Variants in MROH2B observed in about 807,000 individuals in gnomAD.
MROH2B encodes maestro heat like repeat family member 2B.
A neutral mutation model predicts 208.6 loss-of-function variants in MROH2B; 177 were observed. The observed-to-expected ratio is 0.85, with a 90% confidence interval of 0.75 to 0.96. The LOEUF (loss-of-function observed/expected upper bound fraction) is 0.96, where lower values mean the gene tolerates loss of function less well. MROH2B is among the 40% of genes least tolerant of loss of function. The pLI, the probability that MROH2B is intolerant of heterozygous loss-of-function variation, is 0.00. For missense variants in MROH2B, 2,002 were observed against 1,878.7 expected (o/e 1.07, Z -1.21); for synonymous variants, 728 against 659.0 (o/e 1.10, Z -1.60).
At chr5:41,025,866 G>T (rs1459554093) in intron 24 of MROH2B, among the ~76,000 whole-genome samples, 1 of 152,208 alleles carries the variant, frequency 6.6e-6, no homozygotes, top group Non-Finnish European at 1.5e-5. Flanking sequence ...TCCCAGGGAT[G>T]CAAGGCTGGT....
intron 1 of MROH2B, among the ~76,000 whole-genome samples, chr5:41,069,974 T>C (rs547092925): frequency 2.0e-4 from 30 of 152,290 alleles, no homozygotes; most frequent in African/African-American, 6.0e-4. Flanking sequence ...CTGAATCAAA[T>C]GTGAAAGGGA....
At position 41,043,197 on chromosome 5, in the gene MROH2B, A is replaced by G. The variant is rs1743007908; in HGVS notation, c.1837-989T>C. 1.3e-5 allele frequency among the ~76,000 whole-genome samples: 2 copies of G among 152,200 alleles called. 1 individual carries two copies. Among genetic ancestry groups the G allele is most frequent in the Admixed American group, 1.3e-4 (2 of 15,286 alleles). The stretch of plus-strand genomic sequence containing the variant: ...AATGTGCATATCAATCTGGCTTGAA[A>G]TGAGAGGGGGGCATAAAGTTAAAAA... On this transcript the variant is annotated intron_variant, in intron 18 of 41. Coordinates refer to ENST00000399564, the MANE Select transcript of MROH2B (RefSeq NM_173489.5).
intron 11 of MROH2B, among the ~76,000 whole-genome samples, chr5:41,052,872 T>C (rs2150177192): frequency 6.6e-6 from 1 of 152,288 alleles, no homozygotes; most frequent in South Asian, 2.1e-4. Context: ...ATAATGAGCA[T>C]TTTCTTTGAG....
Position 41,042,074 on chromosome 5 carries a change from G to A in MROH2B, c.1953+18C>T. On this transcript the variant is annotated intron_variant, in intron 19 of 41. Coordinates refer to ENST00000399564, the MANE Select transcript of MROH2B (RefSeq NM_173489.5). ...GTTGTTATCATCATAAGAGGAAATTGAGAGCAAGGGGTCCCACCTGTCTTT... is the reference window on the plus strand; with the variant it reads ...GTTGTTATCATCATAAGAGGAAATTAAGAGCAAGGGGTCCCACCTGTCTTT... The A allele has an allele frequency of 7.0e-7, 1 of 1,431,550 alleles. No individual in the cohort carries two copies. The highest frequency in any genetic ancestry group is 9.7e-7 in the Non-Finnish European group (1 of 1,032,442). 88.7% of individuals were successfully genotyped at this position (1,431,550 alleles called of 1,614,324 possible). A position where few individuals can be genotyped will look rare whatever the true frequency, so the allele number is the denominator to read the frequency against.
rs1407999857 is a variant in MROH2B at position 41,058,140 on chromosome 5, G to T, written c.679C>A (p.Arg227Ser). 6.2e-7 allele frequency: 1 copy of T among 1,606,970 alleles called. No homozygotes were observed. Residue 227 changes from arginine (R) to serine (S), a missense_variant, in exon 7 of 42, where the codon CGT becomes AGT. Physicochemically the swap from Arg to Ser is moderately radical, Grantham distance 110. Transcript: ENST00000399564. ...VSLLLHREDFRGYALGQVPWL... is the reference protein window; with the variant it reads ...VSLLLHREDFSGYALGQVPWL... ...GGCACCTGGCCCAGGGCGTATCCAC[G>T]GAAGTCTTCCCGATGCAGCAGCAAG...
intron 18 of MROH2B, among the ~76,000 whole-genome samples, 173 bp downstream of exon 18, chr5:41,045,573 G>A (rs1326017086): frequency 6.6e-6 from 1 of 152,102 alleles, no homozygotes; most frequent in East Asian, 1.9e-4. Flanking sequence ...CTAAAAGTGA[G>A]GTGCAGAGAA....
rs762318724 is a variant in MROH2B, at chr5:41,004,888, C to T, written c.3897G>A (p.Gly1299=). 6.8e-6 allele frequency: 11 copies of T among 1,613,958 alleles called. No individual in the cohort carries two copies. The South Asian group carries it at 1.1e-4, about 16-fold the overall frequency. ...TCAAGATCAGCACATTTCGCAGATT[C>T]CCATGCTTCCAAAGGATTGGTTCCT... ...LMKEPILWKH[G]NLRNVLILMD... The change falls in exon 36 of 42, where the codon GGG becomes GGA. Residue 1299 remains glycine (G), a synonymous_variant. Transcript: ENST00000399564.
At chr5:41,035,508 A>G (rs1742726956) in intron 21 of MROH2B, among the ~76,000 whole-genome samples, 2 of 152,168 alleles carry the variant, frequency 1.3e-5, no homozygotes, top group African/African-American at 2.4e-5. Context: ...ACAGCAAAAG[A>G]AAATACCAAC....
chr5:41,019,380 G>C (rs1742070649), intron 24 of MROH2B, among the ~76,000 whole-genome samples: 1 of 152,138 alleles, frequency 6.6e-6, no homozygotes, highest in Admixed American at 6.5e-5. Flanking sequence ...GAGAATGATA[G>C]AGAGAGATAT....
At chr5:40,998,953 T>C (rs1010536986) in intron 40 of MROH2B, among the ~76,000 whole-genome samples, 2 of 152,184 alleles carry the variant, frequency 1.3e-5, no homozygotes, top group Non-Finnish European at 2.9e-5. Flanking sequence ...ATTTCAAATG[T>C]GTGTAAGATA....
Position 41,069,723 on chromosome 5 carries a change from CAA to C in MROH2B, c.56_57del (p.Leu19ArgfsTer10). 1 of 1,607,364 alleles carries C rather than the reference CAA, an allele frequency of 6.2e-7. No homozygotes were observed. The highest frequency in any genetic ancestry group is 8.5e-7 in the Non-Finnish European group (1 of 1,176,240). ...ACAATATCTTCCTTGTTCAGCATGC[CAA>C]GAGTGAGGTTAATATCCCCAAACAT... is the stretch of plus-strand genomic sequence containing the variant. ...IEMFGDINLT[L>X]GMLNKEDIVN... On this transcript the variant is annotated frameshift_variant, in exon 2 of 42. Coordinates refer to ENST00000399564, the MANE Select transcript of MROH2B (RefSeq NM_173489.5). LOFTEE classifies it high-confidence loss of function.
rs769019878 is a variant in MROH2B at position 41,018,082 on chromosome 5, G to A, written c.2764-112C>T. The A allele has an allele frequency of 1.9e-4, 258 of 1,387,338 alleles. 1 individual carries two copies. Among genetic ancestry groups the A allele is most frequent in the Non-Finnish European group, 2.4e-4 (251 of 1,039,548 alleles). The allele number at this position is 1,387,338 out of a possible 1,614,324, so 85.9% of individuals were successfully genotyped here. ...TTTTCTCTCTGCAGGTCCTTAGAATGAAATTTGATCTTGCACTTTCTCCTA... is the reference window on the plus strand; with the variant it reads ...TTTTCTCTCTGCAGGTCCTTAGAATAAAATTTGATCTTGCACTTTCTCCTA... On this transcript the variant is annotated intron_variant, in intron 27 of 41. Coordinates refer to ENST00000399564, the MANE Select transcript of MROH2B (RefSeq NM_173489.5).
chr5:41,000,115 G>A, intron 39 of MROH2B, 105 bp downstream of exon 39: 3 of 1,472,554 alleles, frequency 2.0e-6, no homozygotes, highest in Non-Finnish European at 2.8e-6. Flanking sequence ...TTCCAAGGCA[G>A]TTCTGGCTCT....
At chr5:41,049,050 A>G in intron 15 of MROH2B, 51 bp downstream of exon 15, 1 of 1,533,704 alleles carries the variant, frequency 6.5e-7, no homozygotes, top group Non-Finnish European at 8.9e-7. Flanking sequence ...GAACTGAACT[A>G]TCCTTATCAG....
intron 18 of MROH2B, among the ~76,000 whole-genome samples, chr5:41,044,287 C>T (rs1245617936): frequency 6.6e-6 from 1 of 151,510 alleles, no homozygotes; most frequent in Non-Finnish European, 1.5e-5. Flanking sequence ...ACCAGCCAAC[C>T]TCAAGTATAC....
chr5:41,037,950 C>T (rs963807370), intron 21 of MROH2B, among the ~76,000 whole-genome samples: 1 of 152,080 alleles, frequency 6.6e-6, no homozygotes, highest in Non-Finnish European at 1.5e-5. Flanking sequence ...ATTAAAGATA[C>T]AAACAAAATG....
intron 1 of MROH2B, among the ~76,000 whole-genome samples, chr5:41,070,416 A>G (rs1172821206): frequency 1.3e-5 from 2 of 152,310 alleles, no homozygotes; most frequent in African/African-American, 4.8e-5. Context: ...ACTTTTGGAG[A>G]TGAAGATTTC....
At chr5:41,021,194 T>C (rs1234793024) in intron 24 of MROH2B, among the ~76,000 whole-genome samples, 1 of 152,190 alleles carries the variant, frequency 6.6e-6, no homozygotes, top group African/African-American at 2.4e-5. Context: ...AACAATTTCA[T>C]TTACAGCAGC....
chr5:41,000,697 G>A lies in MROH2B; in HGVS notation c.4331C>T (p.Pro1444Leu). ...LISFLLHLWDPNPKIGVACRD... is the reference protein window; with the variant it reads ...LISFLLHLWDLNPKIGVACRD... ...ACTTACAACTCCAATCTTGGGGTTGGGATCCCAAAGGTGCAGAAGGAATGA... is the reference window on the plus strand; with the variant it reads ...ACTTACAACTCCAATCTTGGGGTTGAGATCCCAAAGGTGCAGAAGGAATGA... The change falls in exon 38 of 42, where the codon CCC (proline) becomes CTC (leucine). Residue 1444 changes from proline to leucine, a missense_variant. Pro to Leu is a moderately conservative substitution (Grantham distance 98, BLOSUM62 -3). Transcript: ENST00000399564. 1 of 1,611,616 alleles carries A rather than the reference G, an allele frequency of 6.2e-7. No homozygotes were observed. Among genetic ancestry groups the A allele is most frequent in the Non-Finnish European group, 8.5e-7 (1 of 1,179,030 alleles).
Sources: allele counts gnomAD v4.1 joint callset (sites outside exome capture counted in the v4.1 genomes callset), GRCh38; gene constraint gnomAD v4.1.1; transcripts MANE v1.5; gene names NCBI Gene and HGNC (gene_info 2026-07-23, HGNC 2026-07-21).